The following ME1 variants were observed in gnomAD, a reference collection of about 807,000 sequenced individuals.
ME1 encodes the protein malic enzyme 1, also known as NADP-dependent malic enzyme.
ME1 carries 74 observed loss-of-function variants against 66.4 expected under a neutral mutation model. The observed-to-expected ratio is 1.11, with a 90% CI of 0.92 to 1.35. ME1 has a LOEUF of 1.35. Among genes scored for constraint, ME1 ranks in the 40% most tolerant of loss-of-function variants. The pLI, the probability that ME1 is intolerant of heterozygous loss-of-function variation, is 0.00. For missense variants in ME1, 750 were observed against 694.1 expected (o/e 1.08, Z -0.90); for synonymous variants, 251 against 235.6 (o/e 1.07, Z -0.60).
intron 9 of ME1, among the ~76,000 whole-genome samples, chr6:83,233,972 C>A (rs2128524802): frequency 6.6e-6 from 1 of 151,990 alleles, no homozygotes; most frequent in South Asian, 2.1e-4. Flanking sequence ...TATATAACAA[C>A]CTTTTAAAAT....
chr6:83,218,859 A>G (rs1790038429), intron 12 of ME1, among the ~76,000 whole-genome samples: 1 of 152,230 alleles, frequency 6.6e-6, no homozygotes, highest in Non-Finnish European at 1.5e-5. Flanking sequence ...GTAAAAGAAC[A>G]GATGGGTTTT....
rs1419387154 is a variant in ME1 at position 83,407,618 on chromosome 6, T to C, written c.212+150A>G. The C allele has an allele frequency of 1.1e-5, 9 of 782,744 alleles. No homozygotes were observed. The East Asian group carries it at 2.6e-4, about 23-fold the overall frequency. 48.5% of individuals were successfully genotyped at this position (782,744 alleles called of 1,614,324 possible). On this transcript the variant is annotated intron_variant, in intron 2 of 13. Coordinates refer to ENST00000369705, the MANE Select transcript of ME1 (RefSeq NM_002395.6). ...AATGTTCCTAAAGAGAGTAAATTTT[T>C]TAAAAACATCATTGTGTTTACAGGA...
At chr6:83,300,763 C>T (rs1415763885) in intron 6 of ME1, among the ~76,000 whole-genome samples, 1 of 151,962 alleles carries the variant, frequency 6.6e-6, no homozygotes, top group Non-Finnish European at 1.5e-5. Flanking sequence ...TTTATTGCGG[C>T]ACTATTCACA....
intron 1 of ME1, among the ~76,000 whole-genome samples, chr6:83,411,575 T>C (rs6935296): frequency 1.3e-5 from 2 of 152,008 alleles, no homozygotes; most frequent in South Asian, 2.1e-4. Context: ...TAGAAATTTA[T>C]AAACAGGTCA....
At chr6:83,213,937 A>G (rs1406350293) in intron 13 of ME1, among the ~76,000 whole-genome samples, 1 of 152,194 alleles carries the variant, frequency 6.6e-6, no homozygotes, top group Non-Finnish European at 1.5e-5. Flanking sequence ...TATTAGAAAA[A>G]TAGGATATTG....
At chr6:83,217,895 A>C (rs1460343389) in intron 12 of ME1, among the ~76,000 whole-genome samples, 1 of 152,156 alleles carries the variant, frequency 6.6e-6, no homozygotes, top group Non-Finnish European at 1.5e-5. Flanking sequence ...GTCGGTGACT[A>C]AGGACTTCTG....
intron 3 of ME1, among the ~76,000 whole-genome samples, chr6:83,383,972 G>A (rs1466985054): frequency 2.0e-5 from 3 of 151,748 alleles, no homozygotes; most frequent in Non-Finnish European, 4.4e-5. Context: ...TTGACAATTT[G>A]CTGCACCCAT....
chr6:83,346,110 A>C, intron 5 of ME1, 63 bp downstream of exon 5: 1 of 1,285,720 alleles, frequency 7.8e-7, no homozygotes, highest in Non-Finnish European at 1.0e-6. Context: ...AATAAGTTCA[A>C]AATGCAAGAA....
At chr6:83,326,972 T>C (rs770801169) in intron 5 of ME1, among the ~76,000 whole-genome samples, 1 of 152,222 alleles carries the variant, frequency 6.6e-6, no homozygotes, top group Non-Finnish European at 1.5e-5. Context: ...ACGTGGATTG[T>C]GAAGATTTTA....
At chr6:83,264,282 A>C (rs936132019) in intron 6 of ME1, among the ~76,000 whole-genome samples, 1 of 152,210 alleles carries the variant, frequency 6.6e-6, no homozygotes, top group Non-Finnish European at 1.5e-5. Context: ...GATTCCTTTC[A>C]AAATATTGCT....
chr6:83,262,819 C>T (rs1298316378), intron 6 of ME1, among the ~76,000 whole-genome samples: 1 of 152,102 alleles, frequency 6.6e-6, no homozygotes, highest in African/African-American at 2.4e-5. Context: ...GTAGAGCAGA[C>T]CTTTTTGGTA....
chr6:83,230,128 G>GTT (rs201960546), intron 9 of ME1, among the ~76,000 whole-genome samples: 24 of 150,008 alleles, frequency 1.6e-4, no homozygotes, highest in African/African-American at 2.4e-4. Context: ...GCCAGGCTCT[G>GTT]TTTTTTTTTG....
At chr6:83,383,610 T>A (rs1156868646) in intron 3 of ME1, among the ~76,000 whole-genome samples, 1 of 151,870 alleles carries the variant, frequency 6.6e-6, no homozygotes, top group Non-Finnish European at 1.5e-5. Flanking sequence ...AATGAACTTA[T>A]TTAAAGAGGG....
intron 6 of ME1, among the ~76,000 whole-genome samples, chr6:83,282,664 G>A (rs1256681491): frequency 1.3e-5 from 2 of 152,168 alleles, no homozygotes; most frequent in Non-Finnish European, 2.9e-5. Context: ...GCTGGTGGGA[G>A]TATAAGTTAG....
At chr6:83,237,684 T>C (rs376292851) in intron 9 of ME1, 33 bp downstream of exon 9, 1 of 1,299,980 alleles carries the variant, frequency 7.7e-7, no homozygotes, top group Admixed American at 1.9e-5. Flanking sequence ...GGCATAGTTA[T>C]CTTTATTCTG....
intron 5 of ME1, among the ~76,000 whole-genome samples, chr6:83,342,225 T>C (rs1562485417): frequency 6.6e-6 from 1 of 152,208 alleles, no homozygotes; most frequent in African/African-American, 2.4e-5. Flanking sequence ...ATCCAGGTCC[T>C]TGAGCGGCTG....
intron 5 of ME1, among the ~76,000 whole-genome samples, chr6:83,341,952 C>G (rs889035470): frequency 2.0e-5 from 3 of 152,170 alleles, no homozygotes; most frequent in Non-Finnish European, 2.9e-5. Context: ...TGTCCCCAAC[C>G]AATCACACTG....
intron 12 of ME1, among the ~76,000 whole-genome samples, chr6:83,217,055 C>T (rs1172509093): frequency 6.6e-6 from 1 of 152,198 alleles, no homozygotes; most frequent in Non-Finnish European, 1.5e-5. Flanking sequence ...GCTGAGAAAG[C>T]TAGTTCAGAG....
At chr6:83,356,066 TTCA>T (rs1164855305) in intron 3 of ME1, among the ~76,000 whole-genome samples, 2 of 152,182 alleles carry the variant, frequency 1.3e-5, no homozygotes, top group Non-Finnish European at 2.9e-5. Flanking sequence ...TTCTTACTTC[TTCA>T]TGTTATCTCA....
Sources: allele counts gnomAD v4.1 joint callset (sites outside exome capture counted in the v4.1 genomes callset), GRCh38; gene constraint gnomAD v4.1.1; transcripts MANE v1.5; gene names NCBI Gene and HGNC (gene_info 2026-07-23, HGNC 2026-07-21).